MACROD2: variants seen among roughly 807,000 people sequenced by gnomAD.
MACROD2 encodes mono-ADP ribosylhydrolase 2.
In MACROD2, 36 loss-of-function variants were observed where a neutral mutation model predicts 70.4. The ratio of observed to expected loss-of-function variants is 0.51; its 90% CI spans 0.39 to 0.68. The LOEUF (loss-of-function observed/expected upper bound fraction) is 0.68, where lower values mean the gene tolerates loss of function less well. MACROD2 is among the 30% of genes least tolerant of loss of function. The pLI is 0.00. For missense variants in MACROD2, 496 were observed against 538.4 expected (o/e 0.92, Z 0.78); for synonymous variants, 172 against 178.8 (o/e 0.96, Z 0.30).
intron 6 of MACROD2, among the ~76,000 whole-genome samples, chr20:15,345,942 T>C (rs1320248172): frequency 1.3e-5 from 2 of 152,084 alleles, no homozygotes; most frequent in Admixed American, 6.6e-5. Flanking sequence ...CATAGCCAAG[T>C]AGGGAGACCT....
At chr20:15,959,247 T>C (rs2066024077) in intron 12 of MACROD2, among the ~76,000 whole-genome samples, 2 of 152,244 alleles carry the variant, frequency 1.3e-5, no homozygotes, top group African/African-American at 2.4e-5. Flanking sequence ...GTTCACATTA[T>C]ACAAATACCT....
At chr20:15,202,734 A>G (rs945558828) in intron 5 of MACROD2, among the ~76,000 whole-genome samples, 2 of 152,178 alleles carry the variant, frequency 1.3e-5, no homozygotes, top group African/African-American at 4.8e-5. Context: ...ATAATTTGAA[A>G]GGTATTATGA....
intron 4 of MACROD2, among the ~76,000 whole-genome samples, chr20:14,549,475 TTTAA>T (rs1375920871): frequency 2.6e-5 from 4 of 152,218 alleles, no homozygotes; most frequent in African/African-American, 9.6e-5. Context: ...ATCAAGCATT[TTTAA>T]TTGTTTATTG....
At chr20:15,192,369 C>T (rs888540558) in intron 5 of MACROD2, among the ~76,000 whole-genome samples, 4 of 152,190 alleles carry the variant, frequency 2.6e-5, no homozygotes, top group Admixed American at 1.3e-4. Context: ...ACAAGTACAA[C>T]GGAACATCAA....
intron 4 of MACROD2, among the ~76,000 whole-genome samples, chr20:14,631,319 A>G (rs779203960): frequency 6.6e-6 from 1 of 152,156 alleles, no homozygotes; most frequent in Non-Finnish European, 1.5e-5. Context: ...CTTTGAAACA[A>G]CCACTTCTCT....
chr20:14,144,012 CTA>C (rs2148707264), intron 3 of MACROD2, among the ~76,000 whole-genome samples: 1 of 151,760 alleles, frequency 6.6e-6, no homozygotes, highest in South Asian at 2.1e-4. Flanking sequence ...ACTTTTTTTT[CTA>C]TCTTTGTTTT....
chr20:14,854,989 C>T (rs187497916), intron 5 of MACROD2, among the ~76,000 whole-genome samples: 2 of 152,088 alleles, frequency 1.3e-5, no homozygotes, highest in East Asian at 3.9e-4. Flanking sequence ...GCACTCCAGC[C>T]TGGGCGACAG....
intron 8 of MACROD2, among the ~76,000 whole-genome samples, chr20:15,580,416 G>C (rs539043247): frequency 6.6e-6 from 1 of 152,210 alleles, no homozygotes; most frequent in East Asian, 1.9e-4. Context: ...TAGTCTACAT[G>C]CCGTAACTGT....
At chr20:14,165,201 A>G (rs1395828460) in intron 3 of MACROD2, among the ~76,000 whole-genome samples, 10 of 152,090 alleles carry the variant, frequency 6.6e-5, no homozygotes, top group Admixed American at 6.5e-4. Context: ...CTGGAGCAAT[A>G]CTATTGCACA....
chr20:15,606,024 T>C (rs754676867), intron 8 of MACROD2, among the ~76,000 whole-genome samples: 3 of 152,178 alleles, frequency 2.0e-5, no homozygotes, highest in Admixed American at 6.5e-5. Context: ...TGTCAACCTG[T>C]CTCTCCCCTT....
At chr20:14,212,517 CT>C (rs2081579051) in intron 3 of MACROD2, among the ~76,000 whole-genome samples, 1 of 152,092 alleles carries the variant, frequency 6.6e-6, no homozygotes, top group Non-Finnish European at 1.5e-5. Context: ...TTCGCCTTCT[CT>C]CAGTGCTTCA....
chr20:15,152,832 C>G (rs2076281049), intron 5 of MACROD2, among the ~76,000 whole-genome samples: 1 of 152,030 alleles, frequency 6.6e-6, no homozygotes, highest in Non-Finnish European at 1.5e-5. Flanking sequence ...ATGACTGGCA[C>G]TGGAGTTTTG....
At chr20:15,593,362 C>T (rs1460380187) in intron 8 of MACROD2, among the ~76,000 whole-genome samples, 2 of 152,126 alleles carry the variant, frequency 1.3e-5, no homozygotes, top group Admixed American at 6.5e-5. Context: ...TGATAACATG[C>T]GCTACTGCCA....
intron 15 of MACROD2, among the ~76,000 whole-genome samples, chr20:16,035,082 TGTA>T (rs1568725710): frequency 0.043 from 1,010 of 23,632 alleles, 53 homozygotes; most frequent in African/African-American, 0.06. Flanking sequence ...AAATATAATA[TGTA>T]ATATAAAATA....
At chr20:14,610,866 G>T (rs529423280) in intron 4 of MACROD2, among the ~76,000 whole-genome samples, 1 of 152,106 alleles carries the variant, frequency 6.6e-6, no homozygotes, top group East Asian at 1.9e-4. Flanking sequence ...TCATTATTAA[G>T]GTATACTCGA....
intron 10 of MACROD2, among the ~76,000 whole-genome samples, chr20:15,928,960 GTTAAC>G (rs1420964684): frequency 1.3e-5 from 2 of 151,996 alleles, no homozygotes; most frequent in Non-Finnish European, 2.9e-5. Flanking sequence ...TTTTTTTAAA[GTTAAC>G]TTAAAGCCTT....
intron 6 of MACROD2, among the ~76,000 whole-genome samples, chr20:15,339,217 G>C (rs2423938): frequency 0.18 from 27,199 of 151,722 alleles, 3,178 homozygotes; most frequent in East Asian, 0.47. Flanking sequence ...ACCTTTTTCA[G>C]TTATGAAAGC....
At chr20:15,478,435 T>C (rs1172408622) in intron 7 of MACROD2, among the ~76,000 whole-genome samples, 1 of 152,202 alleles carries the variant, frequency 6.6e-6, no homozygotes, top group Non-Finnish European at 1.5e-5. Flanking sequence ...ACAACTTGTC[T>C]ACTGATGATG....
intron 6 of MACROD2, among the ~76,000 whole-genome samples, chr20:15,234,676 T>A (rs2076998171): frequency 6.6e-6 from 1 of 152,112 alleles, no homozygotes; most frequent in Admixed American, 6.6e-5. Context: ...ATATACATGA[T>A]ATCCTTGGCT....
Sources: allele counts gnomAD v4.1 joint callset (sites outside exome capture counted in the v4.1 genomes callset), GRCh38; gene constraint gnomAD v4.1.1; transcripts MANE v1.5; gene names NCBI Gene and HGNC (gene_info 2026-07-23, HGNC 2026-07-21).